Variants in SNTG1 observed in about 807,000 individuals in gnomAD.
The protein encoded by SNTG1 is gamma-1-syntrophin.
SNTG1 carries 39 observed loss-of-function variants against 74.7 expected under a neutral mutation model. The observed-to-expected ratio is 0.52, with a 90% CI of 0.40 to 0.68. The LOEUF is 0.68. SNTG1 is among the 30% of genes least tolerant of loss of function. SNTG1 has a pLI of 0.00. For missense variants in SNTG1, 685 were observed against 609.5 expected, an observed-to-expected ratio of 1.12 and a Z score of -1.30; for synonymous variants, 254 against 217.1, an observed-to-expected ratio of 1.17 and a Z score of -1.49.
At chr8:50,017,892 A>T (rs1454015405) in intron 1 of SNTG1, among the ~76,000 whole-genome samples, 2 of 152,042 alleles carry the variant, frequency 1.3e-5, no homozygotes, top group Non-Finnish European at 2.9e-5. Context: ...AGAAGACTTG[A>T]ACAACACTAT....
chr8:50,663,916 T>C (rs888611992), intron 15 of SNTG1, among the ~76,000 whole-genome samples: 3 of 152,112 alleles, frequency 2.0e-5, no homozygotes, highest in East Asian at 1.9e-4. Context: ...AAGCCTCCCA[T>C]TGGGTAACAG....
chr8:50,115,624 G>T (rs2080792805), intron 1 of SNTG1, among the ~76,000 whole-genome samples: 1 of 146,430 alleles, frequency 6.8e-6, no homozygotes, highest in Admixed American at 7.0e-5. Flanking sequence ...AAGTTGCTAT[G>T]ATACTCTGCA....
rs755084897 is a variant in SNTG1, at chr8:50,031,580, A to G, written c.-103+119349A>G. ...CAAATACTTTTTTCCACATAAATGT[A>G]TATGATTATTTGATATTCCTTCTTT... On this transcript the variant is annotated intron_variant, in intron 1 of 18. Coordinates refer to ENST00000642720, the MANE Select transcript of SNTG1 (RefSeq NM_018967.5). 2.6e-5 allele frequency among the ~76,000 whole-genome samples: 4 copies of G among 152,180 alleles called. No individual in the cohort carries two copies. The South Asian group carries it at 6.2e-4, about 24-fold the overall frequency.
intron 2 of SNTG1, among the ~76,000 whole-genome samples, chr8:50,305,336 G>A (rs891773420): frequency 1.3e-5 from 2 of 151,566 alleles, no homozygotes; most frequent in African/African-American, 4.8e-5. Flanking sequence ...TTTTTGCTCG[G>A]GTGATAAAAC....
At chr8:50,010,785 C>CTTTTTTTTTT (rs774350614) in intron 1 of SNTG1, among the ~76,000 whole-genome samples, 4 of 89,152 alleles carry the variant, frequency 4.5e-5, no homozygotes, top group Non-Finnish European at 6.4e-5. Context: ...ACAGGCCTCT[C>CTTTTTTTTTT]TTTTTTTTTT....
chr8:50,030,830 C>A (rs1257572646), intron 1 of SNTG1, among the ~76,000 whole-genome samples: 2 of 151,764 alleles, frequency 1.3e-5, no homozygotes, highest in Non-Finnish European at 2.9e-5. Flanking sequence ...TAAATCATTG[C>A]CTGTCCATAT....
At chr8:50,051,239 G>GAC (rs145739550) in intron 1 of SNTG1, among the ~76,000 whole-genome samples, 3,313 of 146,760 alleles carry the variant, frequency 0.023, 71 homozygotes, top group African/African-American at 0.055. Context: ...AGAAAATCTT[G>GAC]ACACACACAC....
chr8:50,361,869 C>T (rs986199748), intron 2 of SNTG1, among the ~76,000 whole-genome samples: 2 of 152,056 alleles, frequency 1.3e-5, no homozygotes, highest in African/African-American at 4.8e-5. Flanking sequence ...GTATTTGTAT[C>T]TCCAAACATA....
chr8:50,107,949 G>T (rs1563606480), intron 1 of SNTG1, among the ~76,000 whole-genome samples: 2 of 152,100 alleles, frequency 1.3e-5, no homozygotes, highest in Admixed American at 6.6e-5. Context: ...ATAATTTTTT[G>T]GTAAGCGTTA....
At chr8:50,363,999 C>T (rs917320058) in intron 2 of SNTG1, among the ~76,000 whole-genome samples, 43 of 152,154 alleles carry the variant, frequency 2.8e-4, no homozygotes, top group African/African-American at 9.9e-4. Context: ...CATGCCCTGC[C>T]CATATGCACC....
chr8:49,928,816 T>A (rs952532134), intron 1 of SNTG1, among the ~76,000 whole-genome samples: 6 of 152,090 alleles, frequency 3.9e-5, no homozygotes, highest in African/African-American at 1.4e-4. Context: ...AGTAATAAAA[T>A]GTTATACATA....
intron 15 of SNTG1, among the ~76,000 whole-genome samples, chr8:50,663,259 C>A (rs529915130): frequency 2.0e-5 from 3 of 152,178 alleles, no homozygotes; most frequent in Admixed American, 2.0e-4. Flanking sequence ...TTGGATGGAA[C>A]AGATCATAGG....
intron 15 of SNTG1, among the ~76,000 whole-genome samples, chr8:50,686,907 G>A (rs187123641): frequency 7.1e-4 from 107 of 150,908 alleles, no homozygotes; most frequent in African/African-American, 2.5e-3. Context: ...AGGCCGAGGC[G>A]GGTGGATCAT....
At chr8:50,058,717 C>T (rs779743794) in intron 1 of SNTG1, among the ~76,000 whole-genome samples, 13 of 151,266 alleles carry the variant, frequency 8.6e-5, no homozygotes, top group Non-Finnish European at 1.2e-4. Context: ...TTTTCAGATC[C>T]ACAATTTTAC....
intron 2 of SNTG1, among the ~76,000 whole-genome samples, chr8:50,209,172 G>T (rs888768799): frequency 2.6e-5 from 4 of 152,166 alleles, no homozygotes; most frequent in African/African-American, 9.7e-5. Context: ...TGAGGCTGGG[G>T]GAGGGGTGCC....
intron 15 of SNTG1, among the ~76,000 whole-genome samples, chr8:50,678,089 G>A (rs1225610046): frequency 3.3e-5 from 5 of 150,770 alleles, no homozygotes; most frequent in South Asian, 2.1e-4. Context: ...CATGTATCCC[G>A]GAACTTAAAG....
chr8:50,643,056 A>C (rs932633075), intron 13 of SNTG1, among the ~76,000 whole-genome samples: 18 of 92,676 alleles, frequency 1.9e-4, no homozygotes, highest in Admixed American at 1.4e-3. Flanking sequence ...TCCTCTTGGC[A>C]AAAAAACAAA....
chr8:50,476,005 C>T (rs1367847423), intron 8 of SNTG1, among the ~76,000 whole-genome samples: 1 of 152,152 alleles, frequency 6.6e-6, no homozygotes, highest in African/African-American at 2.4e-5. Context: ...AGCACTGCTC[C>T]AGTCCCCCAT....
At chr8:50,036,438 G>T (rs1217217715) in intron 1 of SNTG1, among the ~76,000 whole-genome samples, 4 of 152,112 alleles carry the variant, frequency 2.6e-5, no homozygotes, top group Non-Finnish European at 5.9e-5. Flanking sequence ...CTAAGCTTCA[G>T]CATAGATAGC....
Sources: allele counts gnomAD v4.1 joint callset (sites outside exome capture counted in the v4.1 genomes callset), GRCh38; gene constraint gnomAD v4.1.1; transcripts MANE v1.5; gene names NCBI Gene and HGNC (gene_info 2026-07-23, HGNC 2026-07-21).